The following FAM90A20 variants were observed in gnomAD, a reference collection of about 807,000 sequenced individuals.
FAM90A20 encodes protein FAM90A20.
chr8:7,296,474 C>T, the FAM90A20 span: 10 of 680,448 alleles, frequency 1.5e-5, 3 homozygotes, highest in African/African-American at 1.6e-4. Flanking sequence ...TTCCCGTCTG[C>T]GGGAGGAAAT....
chr8:7,295,395 T>C, the FAM90A20 span, among the ~76,000 whole-genome samples: 1 of 75,264 alleles, frequency 1.3e-5, no homozygotes, highest in Non-Finnish European at 2.2e-5. Context: ...TGACATCGGC[T>C]TCACCATCGT....
chr8:7,297,004 T>C, the FAM90A20 span: 2 of 1,399,968 alleles, frequency 1.4e-6, no homozygotes, highest in African/African-American at 2.1e-5. Context: ...ATGTGTTTGA[T>C]TTTCATGTTG....
chr8:7,297,666 C>T, the FAM90A20 span: 6 of 1,390,516 alleles, frequency 4.3e-6, no homozygotes, highest in South Asian at 1.1e-5. Flanking sequence ...AGTAGGTCGC[C>T]CCAGATGGGC....
the FAM90A20 span, chr8:7,297,103 G>A: frequency 2.0e-6 from 3 of 1,503,118 alleles, no homozygotes; most frequent in South Asian, 1.1e-5. Flanking sequence ...CCTGTAAGAG[G>A]CCGCGCATGG....
the FAM90A20 span, chr8:7,297,213 CAA>C: frequency 6.5e-7 from 1 of 1,529,596 alleles, no homozygotes; most frequent in Non-Finnish European, 8.8e-7. Flanking sequence ...AGCTCCTCCT[CAA>C]GTCTTGGACC....
At chr8:7,297,551 C>G in the FAM90A20 span, 18 of 1,521,092 alleles carry the variant, frequency 1.2e-5, no homozygotes, top group South Asian at 4.5e-5. Context: ...CCCCAAGAAA[C>G]CGAGACTGGG....
chr8:7,296,369 G>T, the FAM90A20 span: 2 of 745,594 alleles, frequency 2.7e-6, no homozygotes, highest in African/African-American at 2.5e-5. Flanking sequence ...AATGGAAAAG[G>T]ATCCACGGAA....
chr8:7,297,304 G>A, the FAM90A20 span: 9 of 1,355,062 alleles, frequency 6.6e-6, 1 homozygote, highest in South Asian at 8.2e-5. Context: ...CTCTCCTCGT[G>A]GTGGAGCCGA....
At chr8:7,297,593 G>T in the FAM90A20 span, 18 of 1,495,272 alleles carry the variant, frequency 1.2e-5, 2 homozygotes, top group Non-Finnish European at 1.5e-5. Context: ...CACCATCCAG[G>T]GAGGTGAGCT....
At chr8:7,297,289 C>G in the FAM90A20 span, 79 of 1,349,702 alleles carry the variant, frequency 5.9e-5, 4 homozygotes, top group East Asian at 3.4e-4. Flanking sequence ...ACCAGGTCCA[C>G]GAGACTCTCC....
At chr8:7,296,754 G>T in the FAM90A20 span, among the ~76,000 whole-genome samples, 1 of 135,918 alleles carries the variant, frequency 7.4e-6, no homozygotes, top group Admixed American at 6.9e-5. Context: ...CCTGCCTTCG[G>T]AAAGCCATTA....
chr8:7,296,786 G>T, the FAM90A20 span, among the ~76,000 whole-genome samples: 4 of 136,038 alleles, frequency 2.9e-5, 1 homozygote, highest in South Asian at 8.6e-4. Context: ...TTCATGGAAG[G>T]CTGAGTGGAG....
the FAM90A20 span, chr8:7,297,787 T>A: frequency 4.5e-5 from 59 of 1,324,648 alleles, 4 homozygotes; most frequent in Non-Finnish European, 5.9e-5. Context: ...CGGCCAGCCA[T>A]GATGGGGCCC....
chr8:7,297,988 C>A, the FAM90A20 span: 1 of 684,232 alleles, frequency 1.5e-6, no homozygotes. Context: ...TTCAGGTTTC[C>A]TCCTCCTCAG....
the FAM90A20 span, among the ~76,000 whole-genome samples, chr8:7,296,050 G>A: frequency 3.1e-5 from 4 of 130,052 alleles, no homozygotes; most frequent in African/African-American, 8.2e-5. Context: ...CTTCATGCAG[G>A]TTCCCCACGA....
the FAM90A20 span, among the ~76,000 whole-genome samples, chr8:7,296,048 A>T: frequency 7.7e-6 from 1 of 129,800 alleles, no homozygotes; most frequent in Non-Finnish European, 1.5e-5. Context: ...CGCTTCATGC[A>T]GGTTCCCCAC....
the FAM90A20 span, chr8:7,297,703 C>G: frequency 6.3e-6 from 9 of 1,436,326 alleles, 3 homozygotes; most frequent in South Asian, 3.4e-5. Context: ...AGGTGCCCAG[C>G]GTTGAACGGC....
chr8:7,296,248 G>A, the FAM90A20 span: 26 of 687,680 alleles, frequency 3.8e-5, 3 homozygotes, highest in East Asian at 6.7e-4. Flanking sequence ...GTCTCCTGGG[G>A]AAAACCAGGG....
chr8:7,295,498 C>T, the FAM90A20 span: 4 of 522,618 alleles, frequency 7.7e-6, no homozygotes, highest in South Asian at 4.0e-5. Context: ...CAGCACTTAA[C>T]GGCCCCCATG....
Sources: gnomAD v4.1 joint callset for allele counts (sites outside exome capture counted in the v4.1 genomes callset) on GRCh38, gnomAD v4.1.1 for gene constraint, MANE v1.5 for transcripts, NCBI Gene and HGNC (gene_info 2026-07-23, HGNC 2026-07-21) for gene names.